TDRD10: variants seen among roughly 807,000 people sequenced by gnomAD.
TDRD10 encodes the protein tudor domain-containing protein 10.
In TDRD10, 40 loss-of-function variants were observed where a neutral mutation model predicts 48.0. The ratio of observed to expected loss-of-function variants is 0.83; its 90% CI spans 0.65 to 1.09. TDRD10 has a LOEUF of 1.09. Among genes scored for constraint, TDRD10 ranks in the 50% least tolerant of loss-of-function variants. TDRD10 has a pLI of 0.00. For missense variants in TDRD10, 378 were observed against 434.7 expected (o/e 0.87, Z 1.16); for synonymous variants, 162 against 170.4 (o/e 0.95, Z 0.38).
At position 154,506,727 on chromosome 1, in the gene TDRD10, A is replaced by G; in HGVS notation, c.-27-150A>G. The G allele has an allele frequency of 4.4e-6, 3 of 687,082 alleles. No individual in the cohort carries two copies. In the South Asian group the frequency reaches 5.5e-5, roughly 13 times the overall value. 42.6% of individuals were successfully genotyped at this position (687,082 alleles called of 1,614,324 possible). Reference sequence around the variant, plus strand: ...AACTCCATCTGCAACCTTGCCGTGAAATCTAATACATTCATAGGTTCTAGG... The same window carrying G: ...AACTCCATCTGCAACCTTGCCGTGAGATCTAATACATTCATAGGTTCTAGG... On this transcript the variant is annotated intron_variant, in intron 1 of 12. Transcript: ENST00000368482.
chr1:154,506,953 G>C, intron 2 of TDRD10, 48 bp downstream of exon 2: 1 of 1,614,088 alleles, frequency 6.2e-7, no homozygotes, highest in Non-Finnish European at 8.5e-7. Context: ...CCATCCCCCA[G>C]CCTTCTCTTT....
Position 154,521,303 on chromosome 1 carries a change from T to C in TDRD10, c.213-20T>C, listed in dbSNP as rs781737424. On this transcript the variant is annotated intron_variant, in intron 5 of 12. Coordinates refer to ENST00000368482, the MANE Select transcript of TDRD10 (RefSeq NM_182499.4). ...TCTGGAGATGTGCTCAAAGCCTCCC[T>C]CTCTCTCTTCCCTTTTCAGCTTTGC... 6 of 1,612,200 alleles carry C rather than the reference T, an allele frequency of 3.7e-6. No homozygotes were observed. The East Asian group carries it at 1.3e-4, about 36-fold the overall frequency.
intron 4 of TDRD10, among the ~76,000 whole-genome samples, chr1:154,515,297 C>T (rs931639594): frequency 6.6e-6 from 1 of 152,124 alleles, no homozygotes; most frequent in Non-Finnish European, 1.5e-5. Flanking sequence ...CGCACCCAGC[C>T]AGCTCTTCTT....
At chr1:154,533,318 T>C (rs1694746211) in intron 6 of TDRD10, among the ~76,000 whole-genome samples, 2 of 151,732 alleles carry the variant, frequency 1.3e-5, no homozygotes, top group Non-Finnish European at 2.9e-5. Flanking sequence ...CTGTCTCTTC[T>C]GGTGCTTTGG....
In TDRD10 at chr1:154,520,329, A is replaced by G. The variant is rs1198197220; in HGVS notation, c.167A>G (p.Asp56Gly). 1 of 1,613,852 alleles carries G rather than the reference A, an allele frequency of 6.2e-7. No individual in the cohort carries two copies. The highest frequency in any genetic ancestry group is 1.7e-5 in the Admixed American group (1 of 60,012). ...GAGGAAATTCTGTACCTTCTAAAGG[A>G]CTTCAACCCTCTTGATGTCCACAAA... is the stretch of plus-strand genomic sequence containing the variant. ...SKEEILYLLK[D>G]FNPLDVHKIQ... Residue 56 changes from aspartate to glycine, a missense_variant, in exon 5 of 13, where the codon GAC becomes GGC. Asp to Gly is a moderately conservative substitution (Grantham distance 94). This residue lies in a region of TDRD10 where 310 missense variants were observed against 323.6 expected (regional missense o/e 0.96). Transcript: ENST00000368482.
chr1:154,531,002 C>T (rs1326671230), intron 6 of TDRD10, among the ~76,000 whole-genome samples: 2 of 151,838 alleles, frequency 1.3e-5, no homozygotes, highest in African/African-American at 2.4e-5. Flanking sequence ...CCACGCCCAA[C>T]TAATTTTTTT....
intron 6 of TDRD10, among the ~76,000 whole-genome samples, chr1:154,530,912 G>A (rs1570950746): frequency 6.7e-6 from 1 of 149,100 alleles, no homozygotes; most frequent in East Asian, 2.0e-4. Flanking sequence ...CACCCAGGCT[G>A]GAGTGCATTG....
At chr1:154,543,501 A>C (rs759424319) in intron 8 of TDRD10, among the ~76,000 whole-genome samples, 9 of 152,098 alleles carry the variant, frequency 5.9e-5, no homozygotes, top group Non-Finnish European at 1.2e-4. Flanking sequence ...TAGGCAGGTA[A>C]TTGAGTTAGT....
chr1:154,505,864 T>C (rs943562600), intron 1 of TDRD10, among the ~76,000 whole-genome samples: 6 of 152,230 alleles, frequency 3.9e-5, no homozygotes, highest in Admixed American at 2.0e-4. Flanking sequence ...TCTTGACACA[T>C]GGCAAATACT....
Position 154,510,559 on chromosome 1 carries a change from T to A in TDRD10, c.141+2078T>A, listed in dbSNP as rs188224786. ...GTGAGCCAAGATCGTGCCACTGCAC[T>A]CCAGCCTGGGCGACAGAGCGAGACT... is the stretch of plus-strand genomic sequence containing the variant. On this transcript the variant is annotated intron_variant, in intron 4 of 12. Transcript: ENST00000368482. Among the ~76,000 whole-genome samples the A allele has an allele frequency of 3.2e-3, 480 of 151,826 alleles. 2 individuals carry two copies. Among genetic ancestry groups the A allele is most frequent in the African/African-American group, 0.011 (464 of 41,390 alleles).
chr1:154,529,998 G>T (rs1287516704), intron 6 of TDRD10, among the ~76,000 whole-genome samples: 1 of 151,944 alleles, frequency 6.6e-6, no homozygotes, highest in African/African-American at 2.4e-5. Flanking sequence ...CATTCCTAAA[G>T]AATATTTTTT....
intron 1 of TDRD10, among the ~76,000 whole-genome samples, chr1:154,504,263 TTCA>T (rs1157213090): frequency 1.3e-5 from 2 of 152,262 alleles, no homozygotes; most frequent in African/African-American, 4.8e-5. Context: ...ACTTTATTCA[TTCA>T]TCAGTTGATG....
At chr1:154,542,259 CCT>C (rs754333733) in intron 7 of TDRD10, among the ~76,000 whole-genome samples, 193 bp downstream of exon 7, 13 of 152,106 alleles carry the variant, frequency 8.5e-5, no homozygotes, top group Non-Finnish European at 1.6e-4. Context: ...ACAAGATCTT[CCT>C]CTGTCACCCA....
chr1:154,539,812 G>C (rs191546110), intron 6 of TDRD10, among the ~76,000 whole-genome samples: 142 of 152,332 alleles, frequency 9.3e-4, no homozygotes, highest in Non-Finnish European at 1.9e-3. Context: ...ATGAGTAGCA[G>C]CCGGAGAACT....
At chr1:154,516,946 C>CA (rs201934233) in intron 4 of TDRD10, among the ~76,000 whole-genome samples, 11 of 150,050 alleles carry the variant, frequency 7.3e-5, no homozygotes, top group South Asian at 4.2e-4. Context: ...GACCCTGACT[C>CA]AAAAAAAAAG....
At position 154,543,112 on chromosome 1, in the gene TDRD10, CT is replaced by C. The variant is rs558318966; in HGVS notation, c.503+292del. Among the ~76,000 whole-genome samples, 481 of 152,172 alleles carry C rather than the reference CT, an allele frequency of 3.2e-3. 2 individuals are homozygous for C. The highest frequency in any genetic ancestry group is 0.011 in the African/African-American group (465 of 41,520). On this transcript the variant is annotated intron_variant, in intron 8 of 12. Transcript: ENST00000368482. The stretch of plus-strand genomic sequence containing the variant: ...CCAACATGGCGAAACCCCATCTCTA[CT>C]AAAAATAAAAAATTAGCCGGGCATG...
intron 6 of TDRD10, among the ~76,000 whole-genome samples, chr1:154,521,890 A>G (rs566357835): frequency 3.7e-4 from 57 of 152,226 alleles, no homozygotes; most frequent in African/African-American, 1.3e-3. Flanking sequence ...AGGAAGATAA[A>G]CGTTGCCAAA....
At chr1:154,536,435 AC>A (rs767239164) in intron 6 of TDRD10, among the ~76,000 whole-genome samples, 2 of 152,236 alleles carry the variant, frequency 1.3e-5, no homozygotes, top group African/African-American at 2.4e-5. Context: ...ATTTGCAGTC[AC>A]ATAATAATGA....
rs150966456 is a variant in TDRD10 at position 154,532,805 on chromosome 1, C to T, written c.370-9219C>T. 9.4e-3 allele frequency among the ~76,000 whole-genome samples: 1,434 copies of T among 152,312 alleles called. 23 individuals are homozygous for T. The highest frequency in any genetic ancestry group is 0.033 in the African/African-American group (1,363 of 41,568). Reference sequence around the variant, plus strand: ...CCCACAGGGGAACACGGTACTGCCTCGCTGCTGCCAGGTGAGGATGGAAGT... The same window carrying T: ...CCCACAGGGGAACACGGTACTGCCTTGCTGCTGCCAGGTGAGGATGGAAGT... On this transcript the variant is annotated intron_variant, in intron 6 of 12. Coordinates refer to ENST00000368482, the MANE Select transcript of TDRD10 (RefSeq NM_182499.4).
Sources: allele counts gnomAD v4.1 joint callset (sites outside exome capture counted in the v4.1 genomes callset), GRCh38; gene constraint gnomAD v4.1.1; regional missense constraint gnomAD v4.1.1; transcripts MANE v1.5; gene names NCBI Gene and HGNC (gene_info 2026-07-23, HGNC 2026-07-21).